CNBD1: variants seen among roughly 807,000 people sequenced by gnomAD.
CNBD1 encodes cyclic nucleotide-binding domain-containing protein 1.
CNBD1 carries 71 observed loss-of-function variants against 54.4 expected under a neutral mutation model. The ratio of observed to expected loss-of-function variants is 1.30; its 90% confidence interval spans 1.08 to 1.59. CNBD1 has a LOEUF of 1.59. CNBD1 is among the 40% of genes most tolerant of loss of function. The pLI is 0.00. For synonymous variants in CNBD1, 182 were observed against 170.7 expected (o/e 1.07, Z -0.51); for missense variants, 659 against 518.0 (o/e 1.27, Z -2.64).
rs868504659 is a variant in CNBD1 at position 87,143,001 on chromosome 8, A to T, written c.432-62992A>T. 4.6e-5 allele frequency among the ~76,000 whole-genome samples: 7 copies of T among 152,086 alleles called. No individual in the cohort carries two copies. In the South Asian group the frequency reaches 1.0e-3, roughly 22 times the overall value. The stretch of plus-strand genomic sequence containing the variant: ...TGTCTGTTCTCAATCTTAGGATCTG[A>T]TTCTAAATTAGGGGCTCTGTAAATA... On this transcript the variant is annotated intron_variant, in intron 4 of 10. Transcript: ENST00000518476.
At position 87,064,924 on chromosome 8, in the gene CNBD1, T is replaced by A. The variant is rs574851138; in HGVS notation, c.431+125170T>A. ...TTCTAGAACAAAATTACATGTATGT[T>A]AGACCTTCTCAACTTATCCCCTGTG... On this transcript the variant is annotated intron_variant, in intron 4 of 10. Transcript: ENST00000518476. Among the ~76,000 whole-genome samples the A allele has an allele frequency of 4.6e-5, 7 of 152,140 alleles. No homozygotes were observed. The East Asian group carries it at 1.4e-3, about 29-fold the overall frequency.
intron 3 of CNBD1, among the ~76,000 whole-genome samples, chr8:86,934,446 A>G (rs1212615967): frequency 6.6e-6 from 1 of 152,182 alleles, no homozygotes. Context: ...TCTGCAAAAA[A>G]TAACAGCTTT....
intron 8 of CNBD1, among the ~76,000 whole-genome samples, chr8:87,330,231 C>CTTTTTTTTTTT (rs3055413): frequency 2.3e-5 from 3 of 130,776 alleles, no homozygotes; most frequent in Non-Finnish European, 3.2e-5. Flanking sequence ...TTCCTTCTCT[C>CTTTTTTTTTTT]TTTTTTTTTT....
At chr8:87,309,022 G>A (rs560968740) in intron 8 of CNBD1, among the ~76,000 whole-genome samples, 1 of 152,076 alleles carries the variant, frequency 6.6e-6, no homozygotes, top group Non-Finnish European at 1.5e-5. Flanking sequence ...TCCATAACTT[G>A]GCTATTGTGA....
chr8:87,325,166 G>A (rs1174845812), intron 8 of CNBD1, among the ~76,000 whole-genome samples: 4 of 95,240 alleles, frequency 4.2e-5, no homozygotes, highest in Non-Finnish European at 8.2e-5. Context: ...TGGTCTGAGA[G>A]ATAGTTTGTT....
intron 5 of CNBD1, among the ~76,000 whole-genome samples, chr8:87,230,741 T>C (rs1191029867): frequency 6.6e-6 from 1 of 152,188 alleles, no homozygotes; most frequent in African/African-American, 2.4e-5. Context: ...GTTTGGTATA[T>C]ATGAATAACA....
chr8:87,201,723 A>G (rs1813866118), intron 4 of CNBD1, among the ~76,000 whole-genome samples: 1 of 152,212 alleles, frequency 6.6e-6, no homozygotes, highest in Admixed American at 6.5e-5. Context: ...CAAGTAAATG[A>G]AAAGATATGT....
intron 1 of CNBD1, among the ~76,000 whole-genome samples, chr8:86,867,989 G>C (rs1203693285): frequency 6.6e-6 from 1 of 152,160 alleles, no homozygotes; most frequent in Non-Finnish European, 1.5e-5. Flanking sequence ...TTCTATGTCT[G>C]CAACTTCTCT....
chr8:87,390,158 T>C (rs1811277951), intron 2 of CNBD1, among the ~76,000 whole-genome samples: 1 of 151,994 alleles, frequency 6.6e-6, no homozygotes, highest in African/African-American at 2.4e-5. Context: ...GGAGAAAACC[T>C]AGGCAATACC....
chr8:87,226,829 T>G (rs1814510240), intron 5 of CNBD1, among the ~76,000 whole-genome samples: 1 of 151,388 alleles, frequency 6.6e-6, no homozygotes, highest in Admixed American at 6.6e-5. Context: ...TGTCTAATGT[T>G]GACAGTGGGG....
chr8:86,946,638 C>A (rs1192783732), intron 4 of CNBD1, among the ~76,000 whole-genome samples: 1 of 152,046 alleles, frequency 6.6e-6, no homozygotes, highest in East Asian at 1.9e-4. Flanking sequence ...ACAGAACGTA[C>A]TTGTCATGCA....
intron 4 of CNBD1, among the ~76,000 whole-genome samples, chr8:87,102,683 G>A (rs574309042): frequency 9.9e-5 from 15 of 151,938 alleles, no homozygotes; most frequent in Non-Finnish European, 2.1e-4. Context: ...GCGCGATTTC[G>A]GCTCACTGCA....
intron 4 of CNBD1, among the ~76,000 whole-genome samples, chr8:87,054,038 C>G (rs1187759899): frequency 6.6e-6 from 1 of 152,214 alleles, no homozygotes; most frequent in Admixed American, 6.5e-5. Context: ...AGGGCAATTT[C>G]CACCACACTG....
chr8:87,327,672 G>A (rs182408830), intron 8 of CNBD1, among the ~76,000 whole-genome samples: 1 of 152,300 alleles, frequency 6.6e-6, no homozygotes, highest in African/African-American at 2.4e-5. Flanking sequence ...CGTGCCCGGT[G>A]CGCACACCCA....
At chr8:87,364,313 G>T (rs1225812149) in intron 10 of CNBD1, among the ~76,000 whole-genome samples, 1 of 151,614 alleles carries the variant, frequency 6.6e-6, no homozygotes, top group East Asian at 1.9e-4. Context: ...ATTTTAGCCT[G>T]ACAATATGTG....
chr8:87,341,211 G>A (rs1810056974), intron 8 of CNBD1, among the ~76,000 whole-genome samples: 1 of 151,914 alleles, frequency 6.6e-6, no homozygotes, highest in African/African-American at 2.4e-5. Context: ...TCTGCTTGTT[G>A]TAGCACTGGT....
At chr8:86,927,366 T>C (rs1809379598) in intron 3 of CNBD1, among the ~76,000 whole-genome samples, 1 of 152,106 alleles carries the variant, frequency 6.6e-6, no homozygotes, top group South Asian at 2.1e-4. Context: ...GCAGGGAGTA[T>C]GCTTGCCATT....
intron 4 of CNBD1, among the ~76,000 whole-genome samples, chr8:87,025,908 T>A (rs1031331420): frequency 2.0e-5 from 3 of 152,162 alleles, no homozygotes; most frequent in African/African-American, 7.2e-5. Flanking sequence ...CAGGATGAAT[T>A]GATGAGGATG....
intron 10 of CNBD1, among the ~76,000 whole-genome samples, chr8:87,369,890 A>C (rs1810733324): frequency 6.6e-6 from 1 of 151,062 alleles, no homozygotes; most frequent in Non-Finnish European, 1.5e-5. Flanking sequence ...CCCCGACCCC[A>C]CAACAGTCCC....
Sources: gnomAD v4.1 joint callset for allele counts (sites outside exome capture counted in the v4.1 genomes callset) on GRCh38, gnomAD v4.1.1 for gene constraint, MANE v1.5 for transcripts, NCBI Gene and HGNC (gene_info 2026-07-23, HGNC 2026-07-21) for gene names.